The following CFAP20DC variants were observed in gnomAD, a reference collection of about 807,000 sequenced individuals.
CFAP20DC encodes protein CFAP20DC.
In CFAP20DC, 84 loss-of-function variants were observed where a neutral mutation model predicts 101.7. The observed-to-expected ratio is 0.83, with a 90% CI of 0.69 to 0.99. The LOEUF is 0.99. Among genes scored for constraint, CFAP20DC ranks in the 50% least tolerant of loss-of-function variants. The pLI is 0.00. For synonymous variants in CFAP20DC, 359 were observed against 351.2 expected, an observed-to-expected ratio of 1.02 and a Z score of -0.25; for missense variants, 1,007 against 970.3, an observed-to-expected ratio of 1.04 and a Z score of -0.50.
chr3:58,941,557 A>G (rs1029594717), intron 4 of CFAP20DC, among the ~76,000 whole-genome samples: 1 of 151,378 alleles, frequency 6.6e-6, no homozygotes, highest in Non-Finnish European at 1.5e-5. Context: ...TTTCAACTTT[A>G]TAACTTTCAT....
intron 4 of CFAP20DC, among the ~76,000 whole-genome samples, chr3:58,984,271 T>C (rs1339649503): frequency 1.3e-5 from 2 of 152,236 alleles, no homozygotes. Flanking sequence ...TATTTCTTTG[T>C]TGTGACACTA....
At chr3:58,963,334 T>C (rs1451681114) in intron 4 of CFAP20DC, among the ~76,000 whole-genome samples, 1 of 151,996 alleles carries the variant, frequency 6.6e-6, no homozygotes, top group African/African-American at 2.4e-5. Context: ...TACTATTGCT[T>C]TTTTGGAAGA....
chr3:58,759,295 T>G (rs2069290077), intron 15 of CFAP20DC, among the ~76,000 whole-genome samples: 1 of 152,262 alleles, frequency 6.6e-6, no homozygotes, highest in Non-Finnish European at 1.5e-5. Context: ...CCAGTGATGG[T>G]GAGCATTTTT....
At position 58,890,459 on chromosome 3, in the gene CFAP20DC, C is replaced by A. The variant is rs1414073256; in HGVS notation, c.551-5750G>T. 2.1e-5 allele frequency among the ~76,000 whole-genome samples: 3 copies of A among 144,352 alleles called. No individual in the cohort carries two copies. The East Asian group carries it at 6.4e-4, about 31-fold the overall frequency. 94.7% of individuals were successfully genotyped at this position (144,352 alleles called of 152,430 possible). A position where few individuals can be genotyped will look rare whatever the true frequency, so the allele number is the denominator to read the frequency against. On this transcript the variant is annotated intron_variant, in intron 6 of 16. Coordinates refer to ENST00000482387, the MANE Select transcript of CFAP20DC (RefSeq NM_001394063.1). ...GGGCTGACCCCCCCCACGTCCCTCC[C>A]GGACGGGGCGGCTGGTCGGGCAGAG... is the stretch of plus-strand genomic sequence containing the variant.
intron 14 of CFAP20DC, among the ~76,000 whole-genome samples, chr3:58,827,117 G>A (rs2076091810): frequency 6.6e-6 from 1 of 152,252 alleles, no homozygotes; most frequent in South Asian, 2.1e-4. Flanking sequence ...TGACAATGAT[G>A]TGTCAATGGA....
chr3:58,862,517 G>C, intron 12 of CFAP20DC: 1 of 985,300 alleles, frequency 1.0e-6, no homozygotes, highest in Non-Finnish European at 1.2e-6. Flanking sequence ...GTGAAAAGAC[G>C]ATCCTCTACG....
chr3:58,743,714 G>A (rs1001727081), intron 16 of CFAP20DC, among the ~76,000 whole-genome samples: 3 of 152,174 alleles, frequency 2.0e-5, no homozygotes, highest in African/African-American at 7.2e-5. Flanking sequence ...CTGCCTAGAG[G>A]AAGGGAGGAT....
chr3:59,028,376 A>G (rs2093929684), intron 4 of CFAP20DC, among the ~76,000 whole-genome samples: 1 of 152,230 alleles, frequency 6.6e-6, no homozygotes, highest in Non-Finnish European at 1.5e-5. Flanking sequence ...TTTAGCTCTT[A>G]TAAAGGTAAA....
intron 13 of CFAP20DC, among the ~76,000 whole-genome samples, chr3:58,845,725 G>C (rs1341576161): frequency 1.3e-5 from 2 of 150,966 alleles, no homozygotes; most frequent in African/African-American, 4.9e-5. Context: ...GAGAATTTTA[G>C]ACCAATATCC....
chr3:59,021,875 G>A (rs902661722), intron 4 of CFAP20DC, among the ~76,000 whole-genome samples: 4 of 152,066 alleles, frequency 2.6e-5, no homozygotes, highest in Admixed American at 6.6e-5. Context: ...ACCAACTTTT[G>A]CAGTTGGGTT....
chr3:58,958,784 C>T (rs544135857), intron 4 of CFAP20DC, among the ~76,000 whole-genome samples: 4 of 152,012 alleles, frequency 2.6e-5, no homozygotes, highest in Non-Finnish European at 4.4e-5. Context: ...AAACCTTTTA[C>T]CAAATTTTAA....
rs2091927081 is a variant in CFAP20DC at position 58,971,190 on chromosome 3, T to C, written c.279-33428A>G. On this transcript the variant is annotated intron_variant, in intron 4 of 16. Transcript: ENST00000482387. The surrounding 1 kb of genome is among the most constrained non-coding windows in gnomAD (Gnocchi z 4.1). ...ACAGTACCATCACAAACGATCACTTTCTGAAGCTTACCATAAAGAAGATAT... is the reference window on the plus strand; with the variant it reads ...ACAGTACCATCACAAACGATCACTTCCTGAAGCTTACCATAAAGAAGATAT... 6.6e-6 allele frequency among the ~76,000 whole-genome samples: 1 copy of C among 152,188 alleles called. No homozygotes were observed. The highest frequency in any genetic ancestry group is 1.9e-4 in the East Asian group (1 of 5,198).
chr3:58,917,932 C>A (rs1429929046), intron 5 of CFAP20DC, among the ~76,000 whole-genome samples: 3 of 152,118 alleles, frequency 2.0e-5, no homozygotes, highest in Admixed American at 6.6e-5. Flanking sequence ...AAGTTTCTTG[C>A]AGAAGTATTG....
At chr3:58,726,152 A>G (rs1285533350) in intron 3 of CFAP20DC, 1 of 152,228 alleles carries the variant, frequency 6.6e-6, no homozygotes, top group Non-Finnish European at 1.5e-5. Context: ...ATTGGATCTG[A>G]CCATTTCAAT....
chr3:59,045,527 A>G (rs1028079573), intron 3 of CFAP20DC, among the ~76,000 whole-genome samples: 2 of 152,142 alleles, frequency 1.3e-5, no homozygotes, highest in Non-Finnish European at 2.9e-5. Flanking sequence ...ATTTAGTAGC[A>G]GAGCCTTGAA....
rs1463247172 is a variant in CFAP20DC, at chr3:58,912,644, T to G, written c.550+1064A>C. The G allele has an allele frequency of 7.0e-6, 3 of 428,364 alleles. No homozygotes were observed. In the Admixed American group the frequency reaches 8.5e-5, roughly 12 times the overall value. 26.5% of individuals were successfully genotyped at this position (428,364 alleles called of 1,614,324 possible). A position where few individuals can be genotyped will look rare whatever the true frequency, so the allele number is the denominator to read the frequency against. On this transcript the variant is annotated intron_variant, in intron 6 of 16. Transcript: ENST00000482387. This position sits in a 1 kb window ranked among gnomAD's most constrained non-coding sequence, Gnocchi z 4.4. ...AACAAATAATAATCCCAGATGAAAA[T>G]CAAAAGGAGGCATCAGTATTCTTTC...
At chr3:58,818,286 A>G (rs562510025) in intron 14 of CFAP20DC, among the ~76,000 whole-genome samples, 1 of 151,418 alleles carries the variant, frequency 6.6e-6, no homozygotes, top group Non-Finnish European at 1.5e-5. Flanking sequence ...ATTCACACAT[A>G]ACAATATTAA....
In CFAP20DC at chr3:58,721,411, G is replaced by C. The variant is rs2067471685; in HGVS notation, c.198-3783C>G. 7.4e-6 allele frequency among the ~76,000 whole-genome samples: 1 copy of C among 134,936 alleles called. No homozygotes were observed. The highest frequency in any genetic ancestry group is 2.7e-5 in the African/African-American group (1 of 36,950). 88.5% of individuals were successfully genotyped at this position (134,936 alleles called of 152,430 possible). A position where few individuals can be genotyped will look rare whatever the true frequency, so the allele number is the denominator to read the frequency against. Reference sequence around the variant, plus strand: ...TTTTAAAAATTACAACCATGATAGGGTACCTAGTGCTATGAATATTTATTC... The same window carrying C: ...TTTTAAAAATTACAACCATGATAGGCTACCTAGTGCTATGAATATTTATTC... On this transcript the variant is annotated intron_variant, in intron 3 of 3. Coordinates refer to the CFAP20DC transcript ENST00000486145. The surrounding 1 kb of genome is among the most constrained non-coding windows in gnomAD (Gnocchi z 5.2).
At chr3:58,734,064 A>C (rs2067699043) in intron 3 of CFAP20DC, among the ~76,000 whole-genome samples, 1 of 152,176 alleles carries the variant, frequency 6.6e-6, no homozygotes, top group African/African-American at 2.4e-5. Flanking sequence ...TGCTGTTCTC[A>C]TGATAGTGAG....
Sources: gnomAD v4.1 joint callset for allele counts (sites outside exome capture counted in the v4.1 genomes callset) on GRCh38, gnomAD v4.1.1 for gene constraint, Gnocchi (gnomAD v3.1) non-coding constraint, MANE v1.5 for transcripts, NCBI Gene and HGNC (gene_info 2026-07-23, HGNC 2026-07-21) for gene names.